FN1: variants seen among roughly 807,000 people sequenced by gnomAD.
The protein encoded by FN1 is fibronectin.
In FN1, 106 loss-of-function variants were observed where a neutral mutation model predicts 297.3. That is an observed-to-expected ratio of 0.36 (90% CI 0.30 to 0.42). FN1 has a LOEUF of 0.42. FN1 is among the 10% of genes least tolerant of loss of function. FN1 has a pLI of 1.00. For synonymous variants in FN1, 1,149 were observed against 1,152.6 expected (o/e 1.00, Z 0.06); for missense variants, 2,690 against 3,124.9 (o/e 0.86, Z 3.32).
chr2:215,365,766 C>G (rs2054411169), intron 42 of FN1, 136 bp from the exon 43 acceptor site: 1 of 542,280 alleles, frequency 1.8e-6, no homozygotes, highest in Non-Finnish European at 3.1e-6. Flanking sequence ...ATAAAAACCC[C>G]TATAATGGGC....
intron 21 of FN1, among the ~76,000 whole-genome samples, chr2:215,398,614 A>G (rs1485516745): frequency 6.6e-6 from 1 of 152,172 alleles, no homozygotes; most frequent in Non-Finnish European, 1.5e-5. Flanking sequence ...TTTTTAAACG[A>G]TCAAGGGGAT....
intron 38 of FN1, among the ~76,000 whole-genome samples, chr2:215,374,525 T>G (rs756380503): frequency 6.6e-6 from 1 of 152,292 alleles, no homozygotes; most frequent in South Asian, 2.1e-4. Context: ...CCTGTGTGCT[T>G]CTCTCTCCTG....
rs66762371 is a variant in FN1 at position 215,377,081 on chromosome 2, A to AGTGT, written c.5711-411_5711-408dup. Among the ~76,000 whole-genome samples the AGTGT allele has an allele frequency of 4.3e-4, 63 of 147,442 alleles. 1 individual carries two copies. The highest frequency in any genetic ancestry group is 6.9e-3 in the Middle Eastern group (2 of 290). ...GTATGTGTGTGTGAGAGAGAGAGAG[A>AGTGT]GTGTGTGTGTGTGTGTGTGTGTGTG... is the stretch of plus-strand genomic sequence containing the variant. On this transcript the variant is annotated intron_variant, in intron 35 of 45. Coordinates refer to ENST00000354785, the MANE Select transcript of FN1 (RefSeq NM_212482.4).
At chr2:215,381,210 G>GA in intron 32 of FN1, 130 bp from the exon 33 acceptor site, 1 of 872,296 alleles carries the variant, frequency 1.1e-6, no homozygotes. Flanking sequence ...CTATCAAAAG[G>GA]AAAAATCACT....
chr2:215,412,522 C>G (rs116138718), intron 13 of FN1, among the ~76,000 whole-genome samples: 2 of 151,986 alleles, frequency 1.3e-5, no homozygotes, highest in African/African-American at 4.8e-5. Flanking sequence ...CTGCAACTTC[C>G]GCCTCTCAAG....
chr2:215,380,972 G>A lies in FN1; in HGVS notation c.5273C>T (p.Ser1758Leu), dbSNP rs1234204455. ...GQVSRYRVTY[S>L]SPEDGIHELF... ...CTCATGGATTCCATCCTCAGGGCTC[G>A]AGTAGGTCACCCTGTACCTGGAAAC... The change falls in exon 33 of 46, where the codon TCG (serine) becomes TTG (leucine). Residue 1758 changes from serine to leucine, a missense_variant. Physicochemically the swap from Ser to Leu is moderately radical, Grantham distance 145. This residue lies in a region of FN1 where 1,743 missense variants were observed against 1,945.2 expected (regional missense o/e 0.90). Transcript: ENST00000354785. 10 of 1,614,098 alleles carry A rather than the reference G, an allele frequency of 6.2e-6. No homozygotes were observed. The highest frequency in any genetic ancestry group is 4.0e-5 in the African/African-American group (3 of 74,930).
chr2:215,414,113 T>A (rs769904524), intron 13 of FN1, among the ~76,000 whole-genome samples: 27 of 152,228 alleles, frequency 1.8e-4, no homozygotes, highest in Non-Finnish European at 1.9e-4. Context: ...AAATGGACAT[T>A]TTTTTCTCCT....
At position 215,364,671 on chromosome 2, in the gene FN1, A is replaced by C; in HGVS notation, c.7251+208T>G. The C allele has an allele frequency of 5.0e-6, 3 of 602,714 alleles. No homozygotes were observed. The South Asian group carries it at 5.8e-5, about 12-fold the overall frequency. The allele number at this position is 602,714 out of a possible 1,614,324, so 37.3% of individuals were successfully genotyped here. ...TACATGCCATTCATTCATTCTTTCT[A>C]CTAAGAGTAATAGAAAGAATGAATG... On this transcript the variant is annotated intron_variant, in intron 44 of 45. Coordinates refer to ENST00000354785, the MANE Select transcript of FN1 (RefSeq NM_212482.4).
chr2:215,398,247 T>C (rs2060546424), intron 21 of FN1, among the ~76,000 whole-genome samples: 1 of 152,236 alleles, frequency 6.6e-6, no homozygotes, highest in Non-Finnish European at 1.5e-5. Flanking sequence ...CAATTAACCT[T>C]TTAGTTGCCA....
Position 215,378,192 on chromosome 2 carries a change from A to G in FN1, c.5693T>C (p.Val1898Ala). The G allele has an allele frequency of 6.9e-6, 11 of 1,605,246 alleles. No homozygotes were observed. Among genetic ancestry groups the G allele is most frequent in the Non-Finnish European group, 7.7e-6 (9 of 1,172,582 alleles). ...TTACTTACTCTCCAGAGTGGTGACA[A>G]CTCCCTGAGCTGGTCTGCTTGTCAA... The part of the protein sequence containing the change: ...DTLTSRPAQG[V>A]VTTLENVSPP... Residue 1898 changes from valine to alanine, a missense_variant, in exon 35 of 46, where the codon GTT becomes GCT. Val to Ala is a moderately conservative substitution (Grantham distance 64). This residue lies in a region of FN1 where 1,743 missense variants were observed against 1,945.2 expected (regional missense o/e 0.90). Coordinates refer to ENST00000354785, the MANE Select transcript of FN1 (RefSeq NM_212482.4).
chr2:215,407,139 T>A lies in FN1; in HGVS notation c.2701A>T (p.Thr901Ser). Reference protein sequence around the residue: ...PVVIQQETTGTPRSDTVPSPR... With the variant: ...PVVIQQETTGSPRSDTVPSPR... Reference sequence around the variant, plus strand: ...TTAAAAAAGTTACCTGAGCGTGGGGTGCCAGTGGTTTCTTGTTGAATGACA... The same window carrying A: ...TTAAAAAAGTTACCTGAGCGTGGGGAGCCAGTGGTTTCTTGTTGAATGACA... Residue 901 changes from threonine (T) to serine (S), a missense_variant, in exon 18 of 46, where the codon ACC becomes TCC. Thr to Ser is a moderately conservative substitution (Grantham distance 58). Coordinates refer to ENST00000354785, the MANE Select transcript of FN1 (RefSeq NM_212482.4). 1.2e-6 allele frequency: 2 copies of A among 1,613,710 alleles called. No homozygotes were observed. The highest frequency in any genetic ancestry group is 8.5e-7 in the Non-Finnish European group (1 of 1,179,736).
In FN1 at chr2:215,399,872, T is replaced by C. The variant is rs185606815; in HGVS notation, c.3254-521A>G. On this transcript the variant is annotated intron_variant, in intron 20 of 45. Transcript: ENST00000354785. ...CCATTAATTTAAGAACAATGGTAAA[T>C]TATAGAAGGTGATCTAAAAACAGCT... Among the ~76,000 whole-genome samples, 324 of 152,210 alleles carry C rather than the reference T, an allele frequency of 2.1e-3. 2 individuals are homozygous for C. Among genetic ancestry groups the C allele is most frequent in the East Asian group, 2.7e-3 (14 of 5,184 alleles).
At chr2:215,401,250 G>GAAAA (rs1559475802) in intron 20 of FN1, among the ~76,000 whole-genome samples, 1 of 44,634 alleles carries the variant, frequency 2.2e-5, no homozygotes, top group Admixed American at 2.3e-4. Context: ...AAGAAAGAAA[G>GAAAA]GAAGAAAGAA....
rs1463725235 is a variant in FN1, at chr2:215,428,323, T to C, written c.701A>G (p.Gln234Arg). Reference sequence around the variant, plus strand: ...AATTCTATAGGATGTCCTTGTGTCCTGATCGTTGCATCTATCTGTGTCACA... The same window carrying C: ...AATTCTATAGGATGTCCTTGTGTCCCGATCGTTGCATCTATCTGTGTCACA... Reference protein sequence around the residue: ...TCTSRNRCNDQDTRTSYRIGD... With the variant: ...TCTSRNRCNDRDTRTSYRIGD... Residue 234 changes from glutamine (Q) to arginine (R), a missense_variant, in exon 6 of 46, where the codon CAG becomes CGG. Gln to Arg is a conservative substitution (Grantham distance 43). Transcript: ENST00000354785. 1 of 1,614,022 alleles carries C rather than the reference T, an allele frequency of 6.2e-7. No individual in the cohort carries two copies. Among genetic ancestry groups the C allele is most frequent in the Admixed American group, 1.7e-5 (1 of 60,010 alleles).
chr2:215,430,902 G>C lies in FN1; in HGVS notation c.548-50C>G, dbSNP rs374556053. The C allele has an allele frequency of 2.5e-6, 4 of 1,597,736 alleles. 1 individual carries two copies. In the South Asian group the frequency reaches 3.3e-5, roughly 13 times the overall value. On this transcript the variant is annotated intron_variant, in intron 4 of 45. Transcript: ENST00000354785. The stretch of plus-strand genomic sequence containing the variant: ...CAGGAAAAAAAGGTTATTTTGAATT[G>C]TGCAAGCTCCCTGTAATTTAAAGTG...
chr2:215,375,981 C>T (rs909971697), intron 36 of FN1, among the ~76,000 whole-genome samples: 2 of 152,152 alleles, frequency 1.3e-5, no homozygotes, highest in South Asian at 2.1e-4. Flanking sequence ...TTGGAAGAGG[C>T]CCTCTTGCAG....
chr2:215,417,380 G>A (rs1308135367), intron 12 of FN1, among the ~76,000 whole-genome samples: 1 of 152,136 alleles, frequency 6.6e-6, no homozygotes, highest in Admixed American at 6.6e-5. Context: ...ATTTCCAATA[G>A]TAGTGTCCTT....
chr2:215,404,492 C>G lies in FN1; in HGVS notation c.3150G>C (p.Lys1050Asn), dbSNP rs774454208. 19 of 1,614,044 alleles carry G rather than the reference C, an allele frequency of 1.2e-5. No individual in the cohort carries two copies. Among genetic ancestry groups the G allele is most frequent in the Admixed American group, 1.7e-5 (1 of 60,008 alleles). Residue 1050 changes from lysine to asparagine, a missense_variant, in exon 20 of 46, where the codon AAG becomes AAC. By Grantham distance (94) the Lys-to-Asn change is moderately conservative (BLOSUM62 0). Transcript: ENST00000354785. ...RQYNVGPSVS[K>N]YPLRNLQPAS... is the part of the protein sequence containing the mutation. Reference sequence around the variant, plus strand: ...CAGGCTGCAGATTCCTCAGTGGGTACTTGGAGACAGAGGGACCCACATTGT... The same window carrying G: ...CAGGCTGCAGATTCCTCAGTGGGTAGTTGGAGACAGAGGGACCCACATTGT...
In FN1 at chr2:215,375,610, C is replaced by T; in HGVS notation, c.5977+19G>A. 2 of 1,551,002 alleles carry T rather than the reference C, an allele frequency of 1.3e-6. No homozygotes were observed. Among genetic ancestry groups the T allele is most frequent in the Non-Finnish European group, 1.8e-6 (2 of 1,122,622 alleles). ...TGCATACAAGTCAATGGCATTTCCT[C>T]AGTAGAAGGTATAGTTACCAGTGGA... On this transcript the variant is annotated intron_variant, in intron 37 of 45. Coordinates refer to ENST00000354785, the MANE Select transcript of FN1 (RefSeq NM_212482.4).
Sources: allele counts gnomAD v4.1 joint callset (sites outside exome capture counted in the v4.1 genomes callset), GRCh38; gene constraint gnomAD v4.1.1; regional missense constraint gnomAD v4.1.1; transcripts MANE v1.5; gene names NCBI Gene and HGNC (gene_info 2026-07-23, HGNC 2026-07-21).